The following MOB1B variants were observed in gnomAD, a reference collection of about 807,000 sequenced individuals.
MOB1B encodes MOB kinase activator 1B.
MOB1B carries 19 observed loss-of-function variants against 24.4 expected under a neutral mutation model. That is an observed-to-expected ratio of 0.78 (90% CI 0.54 to 1.14). The LOEUF is 1.14. Among genes scored for constraint, MOB1B ranks in the 50% most tolerant of loss-of-function variants. MOB1B has a pLI of 0.00. For synonymous variants in MOB1B, 76 were observed against 82.1 expected, an observed-to-expected ratio of 0.93 and a Z score of 0.40; for missense variants, 243 against 259.6, an observed-to-expected ratio of 0.94 and a Z score of 0.44.
At chr4:70,907,158 T>C (rs1243809006) in intron 1 of MOB1B, among the ~76,000 whole-genome samples, 1 of 152,200 alleles carries the variant, frequency 6.6e-6, no homozygotes, top group African/African-American at 2.4e-5. Flanking sequence ...AGCAGGGGTC[T>C]ATTAGTAACA....
chr4:70,903,210 G>A (rs1332390824), intron 1 of MOB1B, among the ~76,000 whole-genome samples: 1 of 152,212 alleles, frequency 6.6e-6, no homozygotes, highest in Non-Finnish European at 1.5e-5. Flanking sequence ...TCCCTGAAGA[G>A]GATGAGTTTT....
upstream of MOB1B, among the ~76,000 whole-genome samples, chr4:70,901,936 G>C (rs1402698949): frequency 6.6e-6 from 1 of 152,122 alleles, no homozygotes; most frequent in African/African-American, 2.4e-5. Flanking sequence ...GGTGAACTGA[G>C]AGATGCCATT....
rs548148013 is a variant in MOB1B at position 70,923,597 on chromosome 4, T to G, written c.14+21047T>G. Reference sequence around the variant, plus strand: ...GATGATAATAGTTTAGTAGTTATAGTATTATAGTATTGGGCATTAGGAGGA... The same window carrying G: ...GATGATAATAGTTTAGTAGTTATAGGATTATAGTATTGGGCATTAGGAGGA... On this transcript the variant is annotated intron_variant, in intron 1 of 5. Transcript: ENST00000309395. 3.2e-4 allele frequency among the ~76,000 whole-genome samples: 48 copies of G among 152,096 alleles called. 1 individual carries two copies. The highest frequency in any genetic ancestry group is 6.0e-4 in the Non-Finnish European group (41 of 68,004).
chr4:70,955,744 T>G (rs1738020045), intron 1 of MOB1B, among the ~76,000 whole-genome samples: 1 of 152,048 alleles, frequency 6.6e-6, no homozygotes, highest in Non-Finnish European at 1.5e-5. Context: ...GTTCTGGGAT[T>G]ACAGGTGGGA....
chr4:70,950,597 G>A, intron 1 of MOB1B: 2 of 515,070 alleles, frequency 3.9e-6, no homozygotes, highest in Admixed American at 6.3e-5. Context: ...GTATATCAGA[G>A]TTACTAGGAT....
At chr4:70,960,597 C>T (rs1365384784) in intron 2 of MOB1B, among the ~76,000 whole-genome samples, 1 of 152,062 alleles carries the variant, frequency 6.6e-6, no homozygotes, top group Admixed American at 6.5e-5. Flanking sequence ...ATTGTGATGT[C>T]TTAAAACTTA....
At chr4:70,957,753 A>ATT (rs10706196) in intron 1 of MOB1B, among the ~76,000 whole-genome samples, 13 of 121,162 alleles carry the variant, frequency 1.1e-4, no homozygotes, top group East Asian at 2.4e-4. Flanking sequence ...TCCCTGCCTT[A>ATT]TTTTTTTTTT....
At chr4:70,908,127 G>A (rs1477608323) in intron 1 of MOB1B, among the ~76,000 whole-genome samples, 4 of 150,654 alleles carry the variant, frequency 2.7e-5, no homozygotes, top group Non-Finnish European at 4.4e-5. Flanking sequence ...CCGGGTTCAC[G>A]CCATTCTCCT....
chr4:70,951,203 C>G (rs1737788435), intron 1 of MOB1B, among the ~76,000 whole-genome samples: 1 of 152,074 alleles, frequency 6.6e-6, no homozygotes, highest in African/African-American at 2.4e-5. Context: ...GGCCTCACAG[C>G]AGGAGGTGAG....
chr4:70,944,010 A>G (rs1166161398), intron 1 of MOB1B, among the ~76,000 whole-genome samples: 2 of 152,206 alleles, frequency 1.3e-5, no homozygotes, highest in Non-Finnish European at 2.9e-5. Context: ...ATCACAAACT[A>G]TAGAAAAATA....
Position 70,969,937 on chromosome 4 carries a change from A to G in MOB1B, c.188A>G (p.Asp63Gly). The change falls in exon 3 of 6, where the codon GAT (aspartate) becomes GGT (glycine). Residue 63 changes from aspartate (D) to glycine (G), a missense_variant. Coordinates refer to ENST00000309395, the MANE Select transcript of MOB1B (RefSeq NM_173468.4). Reference sequence around the variant, plus strand: ...ACTGATACTTGCTTTACAGCTGTGGATTTCTTCAATCAGATCAACATGCTT... The same window carrying G: ...ACTGATACTTGCTTTACAGCTGTGGGTTTCTTCAATCAGATCAACATGCTT... ...LNEWVAVNTV[D>G]FFNQINMLYG... The G allele has an allele frequency of 6.3e-7, 1 of 1,588,534 alleles. No homozygotes were observed. The highest frequency in any genetic ancestry group is 8.6e-7 in the Non-Finnish European group (1 of 1,162,218).
At chr4:70,946,084 CTTTTT>C (rs11331194) in intron 1 of MOB1B, among the ~76,000 whole-genome samples, 7 of 85,388 alleles carry the variant, frequency 8.2e-5, no homozygotes, top group Admixed American at 1.4e-4. Context: ...TTTGTTTGTT[CTTTTT>C]TTTTTTTTTT....
rs538801020 is a variant in MOB1B, at chr4:70,983,542, C to T, written c.*1485C>T. 14 of 152,342 alleles carry T rather than the reference C, an allele frequency of 9.2e-5. No individual in the cohort carries two copies. The highest frequency in any genetic ancestry group is 4.1e-4 in the South Asian group (2 of 4,822). The allele number at this position is 152,342 out of a possible 1,614,324, so 9.4% of individuals were successfully genotyped here. ...AATCCAGTTTTAGTTTTGTCATTTT[C>T]GATAAATCTTTCTTCAGTTAGAAAT... On this transcript the variant is annotated 3_prime_UTR_variant, in exon 6 of 6. Coordinates refer to ENST00000309395, the MANE Select transcript of MOB1B (RefSeq NM_173468.4).
At chr4:70,930,231 T>A (rs1257959272) in intron 1 of MOB1B, among the ~76,000 whole-genome samples, 1 of 152,162 alleles carries the variant, frequency 6.6e-6, no homozygotes, top group African/African-American at 2.4e-5. Flanking sequence ...GATATTTTAC[T>A]ACAGGCAATA....
At chr4:70,968,545 C>T (rs1738629800) in intron 2 of MOB1B, among the ~76,000 whole-genome samples, 1 of 152,002 alleles carries the variant, frequency 6.6e-6, no homozygotes, top group African/African-American at 2.4e-5. Context: ...CTCCTGACCT[C>T]AGGTGATCAC....
chr4:70,955,376 T>A (rs1737997275), intron 1 of MOB1B, among the ~76,000 whole-genome samples: 1 of 152,100 alleles, frequency 6.6e-6, no homozygotes, highest in South Asian at 2.1e-4. Context: ...TTGCACCACA[T>A]TAGTTATAGG....
At position 70,934,293 on chromosome 4, in the gene MOB1B, C is replaced by T. The variant is rs370254101; in HGVS notation, c.15-24581C>T. Among the ~76,000 whole-genome samples the T allele has an allele frequency of 2.0e-5, 3 of 150,378 alleles. No homozygotes were observed. The East Asian group carries it at 6.1e-4, about 30-fold the overall frequency. On this transcript the variant is annotated intron_variant, in intron 1 of 5. Transcript: ENST00000309395. Reference sequence around the variant, plus strand: ...TAGAGATGGGGTTTCACCATGTTGGCCAGGTTGGTCTCGAACTCCTGGCCT... The same window carrying T: ...TAGAGATGGGGTTTCACCATGTTGGTCAGGTTGGTCTCGAACTCCTGGCCT...
At chr4:70,918,132 T>C (rs1316950851) in intron 1 of MOB1B, among the ~76,000 whole-genome samples, 1 of 152,160 alleles carries the variant, frequency 6.6e-6, no homozygotes, top group Non-Finnish European at 1.5e-5. Context: ...TGTCAGATAA[T>C]CCTGTTTACC....
chr4:70,948,069 G>T (rs778381210), intron 1 of MOB1B, among the ~76,000 whole-genome samples: 1 of 152,040 alleles, frequency 6.6e-6, no homozygotes, highest in Admixed American at 6.6e-5. Flanking sequence ...GTAGTTTTAG[G>T]TCTATCATCT....
Sources: gnomAD v4.1 joint callset for allele counts (sites outside exome capture counted in the v4.1 genomes callset) on GRCh38, gnomAD v4.1.1 for gene constraint, MANE v1.5 for transcripts, NCBI Gene and HGNC (gene_info 2026-07-23, HGNC 2026-07-21) for gene names.